The following EBF2 variants were observed in gnomAD, a reference collection of about 807,000 sequenced individuals.
EBF2 encodes the protein transcription factor COE2.
EBF2 carries 21 observed loss-of-function variants against 72.8 expected under a neutral mutation model. That is an observed-to-expected ratio of 0.29 (90% CI 0.20 to 0.42). EBF2 has a LOEUF of 0.42. EBF2 is among the 10% of genes least tolerant of loss of function. The probability of loss-of-function intolerance (pLI) is 1.00; values close to 1 mark genes in which losing one functional copy is unlikely to be tolerated. For missense variants in EBF2, 637 were observed against 731.2 expected (o/e 0.87, Z 1.49); for synonymous variants, 299 against 274.2 (o/e 1.09, Z -0.89).
chr8:25,991,278 T>C (rs1240130938), intron 6 of EBF2, among the ~76,000 whole-genome samples: 4 of 152,222 alleles, frequency 2.6e-5, no homozygotes, highest in Non-Finnish European at 5.9e-5. Context: ...AGGTGGGGGT[T>C]CATTTGGCAA....
intron 6 of EBF2, among the ~76,000 whole-genome samples, chr8:25,953,922 G>T (rs547845081): frequency 1.3e-5 from 2 of 152,256 alleles, no homozygotes; most frequent in African/African-American, 4.8e-5. Context: ...CAGCACATTA[G>T]GTTGCATATT....
chr8:25,962,489 C>A (rs7011466), intron 6 of EBF2, among the ~76,000 whole-genome samples: 47,931 of 151,674 alleles, frequency 0.32, 8,754 homozygotes, highest in East Asian at 0.83. Flanking sequence ...AAAGCCATCC[C>A]CCTATTACGG....
intron 6 of EBF2, among the ~76,000 whole-genome samples, chr8:25,999,816 C>T (rs943967356): frequency 6.6e-6 from 1 of 152,024 alleles, no homozygotes; most frequent in Non-Finnish European, 1.5e-5. Context: ...TTCTCTATTT[C>T]CTCATCGTTT....
At chr8:25,953,411 G>A (rs1027544303) in intron 6 of EBF2, among the ~76,000 whole-genome samples, 1 of 152,198 alleles carries the variant, frequency 6.6e-6, no homozygotes, top group African/African-American at 2.4e-5. Flanking sequence ...GCATTTCCAA[G>A]CATTTAAATT....
At chr8:26,009,366 C>T (rs1159629515) in intron 6 of EBF2, among the ~76,000 whole-genome samples, 9 of 152,030 alleles carry the variant, frequency 5.9e-5, no homozygotes, top group Non-Finnish European at 1.0e-4. Context: ...TATGTGTAAC[C>T]GTAAAACTAG....
At chr8:25,871,439 A>G (rs959582806) in intron 10 of EBF2, among the ~76,000 whole-genome samples, 1 of 152,222 alleles carries the variant, frequency 6.6e-6, no homozygotes, top group African/African-American at 2.4e-5. Context: ...ATATGCTTCA[A>G]TCTATAGGCT....
At chr8:25,879,577 C>T (rs1172444694) in intron 10 of EBF2, among the ~76,000 whole-genome samples, 1 of 152,148 alleles carries the variant, frequency 6.6e-6, no homozygotes, top group Non-Finnish European at 1.5e-5. Context: ...ACCAGAAGCT[C>T]TACATGCAGA....
chr8:26,032,482 T>G (rs1001819287), intron 6 of EBF2: 1 of 136,944 alleles, frequency 7.3e-6, no homozygotes, highest in African/African-American at 2.8e-5. Context: ...ATTTCTTCAT[T>G]GGTTTGTAAG....
At chr8:25,987,342 G>A (rs1312565520) in intron 6 of EBF2, among the ~76,000 whole-genome samples, 1 of 152,232 alleles carries the variant, frequency 6.6e-6, no homozygotes, top group African/African-American at 2.4e-5. Context: ...TTGCAGATAA[G>A]GAAACTGAGG....
chr8:26,029,782 T>A lies in EBF2; in HGVS notation c.551+3303A>T, dbSNP rs369528021. 3.3e-5 allele frequency among the ~76,000 whole-genome samples: 5 copies of A among 152,280 alleles called. 1 individual carries two copies. Among genetic ancestry groups the A allele is most frequent in the African/African-American group, 9.6e-5 (4 of 41,548 alleles). ...CCAAAATAGACTACATTGCACCCAT[T>A]TGGGGCTTGTAAGGGAACTCACGGA... On this transcript the variant is annotated intron_variant, in intron 6 of 15. Transcript: ENST00000520164.
intron 6 of EBF2, among the ~76,000 whole-genome samples, chr8:25,944,615 A>G (rs986779280): frequency 1.3e-5 from 2 of 148,278 alleles, no homozygotes; most frequent in Non-Finnish European, 3.0e-5. Flanking sequence ...TATATTGCAT[A>G]TAATCTACAA....
At chr8:25,910,694 A>G (rs1440415753) in intron 6 of EBF2, among the ~76,000 whole-genome samples, 1 of 152,112 alleles carries the variant, frequency 6.6e-6, no homozygotes, top group Non-Finnish European at 1.5e-5. Flanking sequence ...AGTGATTTGG[A>G]TGGAAAACAC....
chr8:25,943,456 G>T (rs996276801), intron 6 of EBF2, among the ~76,000 whole-genome samples: 5 of 152,086 alleles, frequency 3.3e-5, no homozygotes, highest in Non-Finnish European at 7.4e-5. Flanking sequence ...GCTACAGTAA[G>T]TTATGATCAT....
At chr8:25,976,867 T>A (rs1804277033) in intron 6 of EBF2, among the ~76,000 whole-genome samples, 1 of 151,922 alleles carries the variant, frequency 6.6e-6, no homozygotes, top group African/African-American at 2.4e-5. Context: ...CACTTTGGGG[T>A]TAATGTGAAA....
chr8:26,020,444 G>A (rs966104846), intron 6 of EBF2, among the ~76,000 whole-genome samples: 2 of 152,160 alleles, frequency 1.3e-5, no homozygotes, highest in African/African-American at 4.8e-5. Flanking sequence ...ATTCTTCATC[G>A]GGGAATGAAA....
intron 6 of EBF2, among the ~76,000 whole-genome samples, chr8:25,933,246 C>T (rs911787577): frequency 6.6e-6 from 1 of 152,182 alleles, no homozygotes; most frequent in African/African-American, 2.4e-5. Flanking sequence ...GAAAGTAGGA[C>T]ATTGCTGGAC....
intron 6 of EBF2, among the ~76,000 whole-genome samples, chr8:26,011,997 T>C (rs1030033514): frequency 6.6e-6 from 1 of 152,072 alleles, no homozygotes; most frequent in African/African-American, 2.4e-5. Context: ...ACCCGAAGTC[T>C]GAGAAAACTG....
chr8:25,965,469 G>A (rs940793207), intron 6 of EBF2, among the ~76,000 whole-genome samples: 1 of 152,208 alleles, frequency 6.6e-6, no homozygotes, highest in Non-Finnish European at 1.5e-5. Context: ...CGACTTTGGA[G>A]ATTGAGAGTC....
At chr8:25,870,378 C>A (rs1802414947) in intron 10 of EBF2, among the ~76,000 whole-genome samples, 1 of 151,972 alleles carries the variant, frequency 6.6e-6, no homozygotes, top group Non-Finnish European at 1.5e-5. Flanking sequence ...ACCCATAAGG[C>A]AGAAAATATA....
Sources: allele counts gnomAD v4.1 joint callset (sites outside exome capture counted in the v4.1 genomes callset), GRCh38; gene constraint gnomAD v4.1.1; transcripts MANE v1.5; gene names NCBI Gene and HGNC (gene_info 2026-07-23, HGNC 2026-07-21).